EGFL7: variants seen among roughly 807,000 people sequenced by gnomAD.
The protein encoded by EGFL7 is EGF like domain multiple 7.
In EGFL7, 48 loss-of-function variants were observed where a neutral mutation model predicts 37.1. The ratio of observed to expected loss-of-function variants is 1.29; its 90% CI spans 1.03 to 1.65. The LOEUF is 1.65. EGFL7 is among the 40% of genes most tolerant of loss of function. EGFL7 has a pLI of 0.00. For missense variants in EGFL7, 384 were observed against 378.9 expected (o/e 1.01, Z -0.11); for synonymous variants, 180 against 156.8 (o/e 1.15, Z -1.10).
In EGFL7 at chr9:136,669,965, G is replaced by A. The variant is rs143123347; in HGVS notation, c.365G>A (p.Arg122His). The A allele has an allele frequency of 3.7e-4, 591 of 1,603,930 alleles. No homozygotes were observed. Among genetic ancestry groups the A allele is most frequent in the Admixed American group, 5.6e-4 (33 of 59,316 alleles). ...GGAGGGAGCTGTGTCCAGCCTGGCC[G>A]CTGCCGCTGCCCTGCAGGATGGCGG... is the stretch of plus-strand genomic sequence containing the variant. Reference protein sequence around the residue: ...RNGGSCVQPGRCRCPAGWRGD... With the variant: ...RNGGSCVQPGHCRCPAGWRGD... Residue 122 changes from arginine to histidine, a missense_variant, in exon 7 of 11, where the codon CGC (arginine) becomes CAC (histidine). Arg to His is a conservative substitution (Grantham distance 29). Transcript: ENST00000308874.
intron 3 of EGFL7, 81 bp from the exon 4 acceptor site, chr9:136,668,160 G>T (rs1845595822): frequency 1.3e-6 from 1 of 774,002 alleles, no homozygotes; most frequent in Non-Finnish European, 2.1e-6. Context: ...AGCTGGGCAG[G>T]CCTCGCGGAG....
chr9:136,665,110 G>T (rs1013960516), intron 3 of EGFL7, among the ~76,000 whole-genome samples: 3 of 152,232 alleles, frequency 2.0e-5, no homozygotes, highest in African/African-American at 7.2e-5. Context: ...AGTGTTCTGC[G>T]ATGGCCCTGA....
rs753066857 is a variant in EGFL7 at position 136,672,036 on chromosome 9, C to T, written c.747C>T (p.Arg249=). Residue 249 remains arginine (R), a synonymous_variant, in exon 10 of 11, where the codon CGC becomes CGT. Transcript: ENST00000308874. ...TGCACTCCTTCCAGCAGCTCGGCCG[C>T]ATCGACTCCCTGAGCGAGCAGATTT... The part of the protein sequence containing the change: ...LLVHSFQQLG[R]IDSLSEQISF... 5.2e-6 allele frequency: 8 copies of T among 1,545,490 alleles called. No homozygotes were observed. The highest frequency in any genetic ancestry group is 7.0e-6 in the Non-Finnish European group (8 of 1,146,910).
At position 136,670,257 on chromosome 9, in the gene EGFL7, G is replaced by T; in HGVS notation, c.498G>T (p.Gly166=). ...GTTACTGGTGCCAGTGTTGGGAGGGGCACAGCCTGTCTGCAGACGGTACAC... is the reference window on the plus strand; with the variant it reads ...GTTACTGGTGCCAGTGTTGGGAGGGTCACAGCCTGTCTGCAGACGGTACAC... ...AGSYWCQCWE[G]HSLSADGTLC... is the part of the protein sequence containing the mutation. The change falls in exon 8 of 11, where the codon GGG becomes GGT. Residue 166 remains glycine (G), a synonymous_variant. Transcript: ENST00000308874. The T allele has an allele frequency of 6.2e-7, 1 of 1,612,376 alleles. No individual in the cohort carries two copies.
rs914088780 is a variant in EGFL7 at position 136,672,483 on chromosome 9, G to C, written c.*197G>C. ...CATGGGATGGGCTGGGATCTTCTCTGTGAATCCACCCCTGGCTACCCCCAC... is the reference window on the plus strand; with the variant it reads ...CATGGGATGGGCTGGGATCTTCTCTCTGAATCCACCCCTGGCTACCCCCAC... On this transcript the variant is annotated 3_prime_UTR_variant, in exon 11 of 11. Coordinates refer to ENST00000308874, the MANE Select transcript of EGFL7 (RefSeq NM_016215.5). 1.5e-6 allele frequency: 1 copy of C among 671,726 alleles called. No homozygotes were observed. Among genetic ancestry groups the C allele is most frequent in the African/African-American group, 1.8e-5 (1 of 55,202 alleles). 41.6% of individuals were successfully genotyped at this position (671,726 alleles called of 1,614,324 possible). A position where few individuals can be genotyped will look rare whatever the true frequency, so the allele number is the denominator to read the frequency against.
At chr9:136,664,883 G>C (rs1845363245) in intron 3 of EGFL7, 98 bp downstream of exon 3, 1 of 152,316 alleles carries the variant, frequency 6.6e-6, no homozygotes, top group Admixed American at 6.5e-5. Context: ...GGGGTCTGAG[G>C]GGCTGCTGAA....
chr9:136,670,434 C>CGGTG (rs1845773349), intron 8 of EGFL7, 104 bp downstream of exon 8: 2 of 1,339,402 alleles, frequency 1.5e-6, no homozygotes, highest in South Asian at 2.7e-5. Context: ...GGGCGGAAGG[C>CGGTG]GGTGGGGACT....
intron 3 of EGFL7, chr9:136,665,701 C>A (rs1588229739): frequency 2.3e-5 from 1 of 43,464 alleles, no homozygotes; most frequent in African/African-American, 1.1e-4. Context: ...GCAATGGGGG[C>A]GGGGCGGGGC....
At chr9:136,658,998 C>T (rs1466886580), upstream of EGFL7, 4 of 151,828 alleles carry the variant, frequency 2.6e-5, no homozygotes, top group African/African-American at 9.7e-5. Context: ...CCGGGCGACC[C>T]CCGAGGCTCA....
intron 3 of EGFL7, among the ~76,000 whole-genome samples, chr9:136,665,154 G>A (rs1845380436): frequency 6.6e-6 from 1 of 152,230 alleles, no homozygotes; most frequent in Admixed American, 6.5e-5. Context: ...CAGTGACCCC[G>A]GTGAGGGTGC....
intron 2 of EGFL7, among the ~76,000 whole-genome samples, chr9:136,664,005 TG>T (rs1014041208): frequency 5.3e-5 from 8 of 152,194 alleles, no homozygotes; most frequent in Non-Finnish European, 1.2e-4. Context: ...GATCCAGAGA[TG>T]AGGCCAGGGG....
chr9:136,671,138 TAGGC>T lies in EGFL7; in HGVS notation c.636+131_636+134del, dbSNP rs1427732885. ...TGGAGGAGGTGAGGCATCGGGGGGG[TAGGC>T]AGGCAGTCCAGGGTGGACCTGCTGG... On this transcript the variant is annotated intron_variant, in intron 9 of 10. Coordinates refer to ENST00000308874, the MANE Select transcript of EGFL7 (RefSeq NM_016215.5). 1.3e-4 allele frequency: 38 copies of T among 290,918 alleles called. No homozygotes were observed. The African/African-American group carries it at 2.2e-3, about 17-fold the overall frequency. 18.0% of individuals were successfully genotyped at this position (290,918 alleles called of 1,614,324 possible).
intron 5 of EGFL7, among the ~76,000 whole-genome samples, chr9:136,669,124 G>C (rs1588240643): frequency 1.3e-5 from 2 of 152,204 alleles, no homozygotes; most frequent in East Asian, 3.9e-4. Context: ...TGTCCTGTAT[G>C]CCCACACAAG....
intron 3 of EGFL7, 90 bp from the exon 4 acceptor site, chr9:136,668,151 G>C (rs936276820): frequency 1.4e-6 from 1 of 715,240 alleles, no homozygotes; most frequent in Non-Finnish European, 2.3e-6. Context: ...GCGGAGATGA[G>C]CTGGGCAGGC....
Position 136,671,818 on chromosome 9 carries a change from G to A in EGFL7, c.637-108G>A, listed in dbSNP as rs537650649. On this transcript the variant is annotated intron_variant, in intron 9 of 10. Transcript: ENST00000308874. ...TGGACACTTGGAGCCCTGCCGCGGA[G>A]GCGGGGGCTGGAGGCTTGTGGAGCC... The A allele has an allele frequency of 1.4e-4, 189 of 1,363,812 alleles. 1 individual carries two copies. The South Asian group carries it at 2.8e-3, about 21-fold the overall frequency. 84.5% of individuals were successfully genotyped at this position (1,363,812 alleles called of 1,614,324 possible). A position where few individuals can be genotyped will look rare whatever the true frequency, so the allele number is the denominator to read the frequency against.
chr9:136,671,879 G>C, intron 9 of EGFL7, 47 bp from the exon 10 acceptor site: 1 of 1,444,598 alleles, frequency 6.9e-7, no homozygotes, highest in Non-Finnish European at 9.1e-7. Flanking sequence ...CGGTGGAGCA[G>C]AGAGGGCGGG....
intron 3 of EGFL7, among the ~76,000 whole-genome samples, chr9:136,667,530 C>T (rs1010448015): frequency 5.3e-5 from 8 of 152,302 alleles, no homozygotes; most frequent in African/African-American, 1.7e-4. Flanking sequence ...GGTTGGATTC[C>T]GGTTCCGGTG....
chr9:136,668,200 G>T, intron 3 of EGFL7, 41 bp from the exon 4 acceptor site: 1 of 1,219,842 alleles, frequency 8.2e-7, no homozygotes, highest in Admixed American at 2.3e-5. Flanking sequence ...CGTCCTGGGG[G>T]CATCTGCGGG....
chr9:136,668,730 A>G (rs951029705), intron 5 of EGFL7, 57 bp downstream of exon 5: 3 of 1,425,966 alleles, frequency 2.1e-6, no homozygotes, highest in Non-Finnish European at 2.9e-6. Context: ...TCGGCCACAC[A>G]TCAGCATGTC....
Sources: gnomAD v4.1 joint callset for allele counts (sites outside exome capture counted in the v4.1 genomes callset) on GRCh38, gnomAD v4.1.1 for gene constraint, MANE v1.5 for transcripts, NCBI Gene and HGNC (gene_info 2026-07-23, HGNC 2026-07-21) for gene names.